NEB: variants seen among roughly 807,000 people sequenced by gnomAD.
NEB encodes nemaline myopathy type 2.
NEB carries 512 observed loss-of-function variants against 952.2 expected under a neutral mutation model. The observed-to-expected ratio is 0.54, with a 90% CI of 0.50 to 0.58. The LOEUF is 0.58. Ranked by LOEUF, NEB falls within the 20% of genes least tolerant of loss-of-function variation. The probability of loss-of-function intolerance (pLI) is 0.00; values close to 1 mark genes in which losing one functional copy is unlikely to be tolerated. For synonymous variants in NEB, 2,900 were observed against 3,149.8 expected (o/e 0.92, Z 2.66); for missense variants, 8,428 against 9,231.1 (o/e 0.91, Z 3.56).
chr2:151,507,152 C>A, intron 162 of NEB, 139 bp from the exon 163 acceptor site: 2 of 573,154 alleles, frequency 3.5e-6, no homozygotes, highest in Non-Finnish European at 6.1e-6. Flanking sequence ...TCTGGTAGCC[C>A]AAGGGAAATT....
rs1446379302 is a variant in NEB at position 151,485,838 on chromosome 2, A to G, written c.25500T>C (p.Asp8500=). The change falls in exon 182 of 182, where the codon GAT becomes GAC. Residue 8500 remains aspartate (D), a synonymous_variant. Transcript: ENST00000397345. Reference sequence around the variant, plus strand: ...GCACAGTGCCATACATCCAGCCTTCATCAATTGCTTGAACATTTATGATGG... The same window carrying G: ...GCACAGTGCCATACATCCAGCCTTCGTCAATTGCTTGAACATTTATGATGG... ...GDAIINVQAI[D]EGWMYGTVQR... is the part of the protein sequence containing the mutation. The G allele has an allele frequency of 1.1e-5, 17 of 1,613,984 alleles. No homozygotes were observed. Among genetic ancestry groups the G allele is most frequent in the Non-Finnish European group, 1.4e-5 (16 of 1,179,952 alleles).
chr2:151,692,486 T>C (rs2099563557), intron 20 of NEB, 124 bp from the exon 21 acceptor site: 1 of 779,926 alleles, frequency 1.3e-6, no homozygotes, highest in African/African-American at 1.7e-5. Flanking sequence ...CACCATCAAT[T>C]TTCCACAAAG....
chr2:151,560,681 A>T lies in NEB; in HGVS notation c.19225T>A (p.Trp6409Arg). The change falls in exon 124 of 182, where the codon TGG (tryptophan) becomes AGG (arginine). Residue 6409 changes from tryptophan to arginine, a missense_variant. Physicochemically the swap from Trp to Arg is moderately radical, Grantham distance 101. This residue lies in a region of NEB where 3,374 missense variants were observed against 3,651.5 expected (regional missense o/e 0.92). Transcript: ENST00000397345. ...TAGCTGGTGGCTTTCACTCTATCCC[A>T]GGCCTCCTTGTACAGGTTCTGCAGG... ...LYSSNLYKEA[W>R]DRVKATSYIL... 1 of 1,611,384 alleles carries T rather than the reference A, an allele frequency of 6.2e-7. No homozygotes were observed. Among genetic ancestry groups the T allele is most frequent in the South Asian group, 1.1e-5 (1 of 90,258 alleles).
At chr2:151,515,389 GT>G (rs2077132993) in intron 157 of NEB, among the ~76,000 whole-genome samples, 1 of 152,112 alleles carries the variant, frequency 6.6e-6, no homozygotes, top group Non-Finnish European at 1.5e-5. Context: ...ATCATGACCT[GT>G]TTTTTTAATA....
chr2:151,517,032 G>A (rs757016884), intron 156 of NEB, among the ~76,000 whole-genome samples: 4 of 152,062 alleles, frequency 2.6e-5, no homozygotes, highest in Non-Finnish European at 4.4e-5. Flanking sequence ...ATAACACATG[G>A]AGCTTTATTT....
rs1553698850 is a variant in NEB at position 151,727,872 on chromosome 2, CTTG to C, written c.110_112del (p.Thr37del). ...TTCTGATTGCTCATAGTCAGATGTC[CTTG>C]TTGTCGTAGTCTCATAAATTTTTGT... is the stretch of plus-strand genomic sequence containing the variant. On this transcript the variant is annotated inframe_deletion, in exon 5 of 182. Coordinates refer to ENST00000397345, the MANE Select transcript of NEB (RefSeq NM_001164508.2). 2 of 1,613,546 alleles carry C rather than the reference CTTG, an allele frequency of 1.2e-6. No homozygotes were observed. Among genetic ancestry groups the C allele is most frequent in the Non-Finnish European group, 8.5e-7 (1 of 1,179,700 alleles).
intron 161 of NEB, among the ~76,000 whole-genome samples, chr2:151,512,420 G>A (rs1317273460): frequency 6.6e-6 from 1 of 151,880 alleles, no homozygotes; most frequent in Non-Finnish European, 1.5e-5. Context: ...CAACCGCCTG[G>A]GCTCAATTGA....
chr2:151,634,298 C>T (rs573393673), intron 64 of NEB, among the ~76,000 whole-genome samples: 1 of 152,244 alleles, frequency 6.6e-6, no homozygotes, highest in South Asian at 2.1e-4. Context: ...ATTCTATACA[C>T]TAAAAGCATG....
In NEB at chr2:151,492,433, G is replaced by A. The variant is rs760442721; in HGVS notation, c.24827C>T (p.Thr8276Ile). The A allele has an allele frequency of 5.6e-6, 9 of 1,612,768 alleles. No individual in the cohort carries two copies. The South Asian group carries it at 7.7e-5, about 14-fold the overall frequency. ...CTCCCTCACCCGTCTCATCTCGGGG[G>A]TATCCAATACATAGGCAGCTTTGCC... ...IQGKAAYVLD[T>I]PEMRRVRETQ... The change falls in exon 177 of 182, where the codon ACC (threonine) becomes ATC (isoleucine). Residue 8276 changes from threonine (T) to isoleucine (I), a missense_variant. Thr to Ile is a moderately conservative substitution (Grantham distance 89). This residue lies in a region of NEB where 3,374 missense variants were observed against 3,651.5 expected (regional missense o/e 0.92). Transcript: ENST00000397345.
At chr2:151,626,886 C>G (rs1034737627) in intron 70 of NEB, 116 bp downstream of exon 70, 2 of 1,254,632 alleles carry the variant, frequency 1.6e-6, no homozygotes, top group African/African-American at 3.0e-5. Context: ...TCAACTGAAT[C>G]ACTATACATT....
chr2:151,630,047 AAT>A (rs907003171), intron 67 of NEB, among the ~76,000 whole-genome samples: 4 of 152,084 alleles, frequency 2.6e-5, no homozygotes, highest in African/African-American at 9.7e-5. Context: ...TACGTATAAA[AAT>A]ATATTTTTAT....
Position 151,629,588 on chromosome 2 carries a change from T to C in NEB, c.9782A>G (p.Asp3261Gly), listed in dbSNP as rs2098615036. ...AKKKGYDLRSDAIPIVAAKAS... is the reference protein window; with the variant it reads ...AKKKGYDLRSGAIPIVAAKAS... Reference sequence around the variant, plus strand: ...CTTGGCAGCCACGATGGGGATGGCGTCACTTCGCAAGTCGTAGCCTTTCTT... The same window carrying C: ...CTTGGCAGCCACGATGGGGATGGCGCCACTTCGCAAGTCGTAGCCTTTCTT... The change falls in exon 68 of 182, where the codon GAC becomes GGC. Residue 3261 changes from aspartate to glycine, a missense_variant. Around this residue, in one of 11 missense-constraint regions of NEB, gnomAD observed 1,772 missense variants for 1,960.3 expected, o/e 0.90. Coordinates refer to ENST00000397345, the MANE Select transcript of NEB (RefSeq NM_001164508.2). 2.5e-6 allele frequency: 4 copies of C among 1,613,886 alleles called. No individual in the cohort carries two copies. The highest frequency in any genetic ancestry group is 3.4e-6 in the Non-Finnish European group (4 of 1,179,806).
In NEB at chr2:151,625,531, T is replaced by C. The variant is rs2154051876; in HGVS notation, c.10452+3A>G. On this transcript the variant is annotated splice_donor_region_variant and intron_variant, in intron 71 of 181. Coordinates refer to ENST00000397345, the MANE Select transcript of NEB (RefSeq NM_001164508.2). The stretch of plus-strand genomic sequence containing the variant: ...ACCAAAGAAATAAAACAAATGATCT[T>C]ACCTCACTATAATTTATTTTATTTT... 3 of 1,572,654 alleles carry C rather than the reference T, an allele frequency of 1.9e-6. No individual in the cohort carries two copies. Among genetic ancestry groups the C allele is most frequent in the Non-Finnish European group, 2.6e-6 (3 of 1,147,156 alleles).
At position 151,723,318 on chromosome 2, in the gene NEB, G is replaced by T. The variant is rs2099780184; in HGVS notation, c.717+64C>A. On this transcript the variant is annotated intron_variant, in intron 9 of 181. Coordinates refer to ENST00000397345, the MANE Select transcript of NEB (RefSeq NM_001164508.2). ...AAGAGTTGCAGTGACCATCTGGCCA[G>T]AATATGTAATTCAAGTTCCCCTGAC... 5.1e-6 allele frequency: 6 copies of T among 1,167,554 alleles called. No individual in the cohort carries two copies. In the Admixed American group the frequency reaches 1.1e-4, roughly 21 times the overall value. The allele number at this position is 1,167,554 out of a possible 1,614,324, so 72.3% of individuals were successfully genotyped here. A position where few individuals can be genotyped will look rare whatever the true frequency, so the allele number is the denominator to read the frequency against.
At chr2:151,618,614 G>T in intron 73 of NEB, 136 bp from the exon 74 acceptor site, 1 of 871,726 alleles carries the variant, frequency 1.1e-6, no homozygotes, top group Non-Finnish European at 1.7e-6. Flanking sequence ...ACTCACTCAC[G>T]CACATTATTG....
intron 38 of NEB, 125 bp downstream of exon 38, chr2:151,670,898 C>G: frequency 2.0e-6 from 2 of 996,016 alleles, no homozygotes; most frequent in South Asian, 1.6e-5. Flanking sequence ...TTCTCTCATA[C>G]CTATGAAAGC....
chr2:151,538,043 T>G, intron 139 of NEB, 67 bp from the exon 140 acceptor site: 2 of 1,532,292 alleles, frequency 1.3e-6, no homozygotes, highest in Non-Finnish European at 1.8e-6. Flanking sequence ...GGCTTCTTTC[T>G]GGAGAATTTC....
rs375294508 is a variant in NEB at position 151,575,724 on chromosome 2, C to T, written c.16984G>A (p.Ala5662Thr). The change falls in exon 107 of 182, where the codon GCT (alanine) becomes ACT (threonine). Residue 5662 changes from alanine to threonine, a missense_variant. Physicochemically the swap from Ala to Thr is moderately conservative, Grantham distance 58 (BLOSUM62 0). This residue lies in a region of NEB where 3,374 missense variants were observed against 3,651.5 expected (regional missense o/e 0.92). Coordinates refer to ENST00000397345, the MANE Select transcript of NEB (RefSeq NM_001164508.2). ...CTCACATTAAGAGCATTTGCTCTAG[C>T]GAGATTAATTTCTGGAGTATCTGGC... ...IMPDTPEINL[A>T]RANALNVSNK... The T allele has an allele frequency of 6.5e-5, 105 of 1,607,192 alleles. No individual in the cohort carries two copies. Among genetic ancestry groups the T allele is most frequent in the Non-Finnish European group, 7.7e-5 (90 of 1,173,876 alleles).
chr2:151,567,988 G>A (rs2096483442), intron 113 of NEB, 83 bp downstream of exon 113: 8 of 1,021,718 alleles, frequency 7.8e-6, no homozygotes, highest in Non-Finnish European at 1.2e-5. Context: ...CCTGGAAGGT[G>A]CTATCTCTGC....
Sources: allele counts gnomAD v4.1 joint callset (sites outside exome capture counted in the v4.1 genomes callset), GRCh38; gene constraint gnomAD v4.1.1; regional missense constraint gnomAD v4.1.1; transcripts MANE v1.5; gene names NCBI Gene and HGNC (gene_info 2026-07-23, HGNC 2026-07-21).